Variants in KPNB1 observed in about 807,000 individuals in gnomAD.
KPNB1 encodes the protein importin subunit beta-1.
KPNB1 carries 7 observed loss-of-function variants against 113.0 expected under a neutral mutation model. The ratio of observed to expected loss-of-function variants is 0.06; its 90% CI spans 0.04 to 0.12. KPNB1 has a LOEUF of 0.12. Among genes scored for constraint, KPNB1 ranks in the 10% least tolerant of loss-of-function variants. The pLI, the probability that KPNB1 is intolerant of heterozygous loss-of-function variation, is 1.00. For missense variants in KPNB1, 400 were observed against 1,054.8 expected (o/e 0.38, Z 8.60); for synonymous variants, 363 against 378.6 (o/e 0.96, Z 0.48).
chr17:47,657,981 C>T (rs2029958705), intron 4 of KPNB1, among the ~76,000 whole-genome samples: 1 of 152,164 alleles, frequency 6.6e-6, no homozygotes, highest in South Asian at 2.1e-4. Flanking sequence ...GCTTGGGAAG[C>T]TGAGGTGGGA....
At position 47,683,312 on chromosome 17, in the gene KPNB1, AAG is replaced by A. The variant is rs906105955; in HGVS notation, c.*910_*911del. 1 of 151,804 alleles carries A rather than the reference AAG, an allele frequency of 6.6e-6. No homozygotes were observed. The highest frequency in any genetic ancestry group is 2.4e-5 in the African/African-American group (1 of 41,202). 9.4% of individuals were successfully genotyped at this position (151,804 alleles called of 1,614,324 possible). On this transcript the variant is annotated 3_prime_UTR_variant, in exon 22 of 22. Transcript: ENST00000290158. ...AGAAGTGGGGGGGAGGGGGGAGAAA[AAG>A]AAAACTCTGGCGTTAGAGGATATAG...
intron 15 of KPNB1, among the ~76,000 whole-genome samples, chr17:47,675,389 G>GTT (rs1419981267): frequency 5.1e-5 from 4 of 78,452 alleles, no homozygotes; most frequent in African/African-American, 1.2e-4. Flanking sequence ...TTTTTTGTTT[G>GTT]TTTTTTTTTT....
At chr17:47,672,306 C>CA (rs35344546) in intron 12 of KPNB1, among the ~76,000 whole-genome samples, 11,740 of 150,654 alleles carry the variant, frequency 0.078, 544 homozygotes, top group Middle Eastern at 0.18. Context: ...CTGTGCCCAT[C>CA]AAAAAAAAAA....
chr17:47,674,916 A>C, intron 15 of KPNB1, 134 bp downstream of exon 15: 8 of 852,064 alleles, frequency 9.4e-6, no homozygotes, highest in Non-Finnish European at 1.4e-5. Context: ...TCGTGGGCTC[A>C]CATGATCCTT....
At chr17:47,675,571 T>C (rs2030594035) in intron 15 of KPNB1, among the ~76,000 whole-genome samples, 1 of 151,950 alleles carries the variant, frequency 6.6e-6, no homozygotes, top group Non-Finnish European at 1.5e-5. Context: ...CTGGTACTTG[T>C]CATCACCTGG....
chr17:47,649,962 T>G lies in KPNB1; in HGVS notation c.-283T>G. 1 of 1,322,246 alleles carries G rather than the reference T, an allele frequency of 7.6e-7. No individual in the cohort carries two copies. Among genetic ancestry groups the G allele is most frequent in the Non-Finnish European group, 9.6e-7 (1 of 1,040,394 alleles). The allele number at this position is 1,322,246 out of a possible 1,614,324, so 81.9% of individuals were successfully genotyped here. ...TCTCACTCACAGCCTCCCTTCCTTC[T>G]TTCTCCCTCCGCCTCCCGAGCACCA... On this transcript the variant is annotated 5_prime_UTR_variant, in exon 1 of 22. Transcript: ENST00000290158.
At chr17:47,673,900 G>A (rs962001685) in intron 14 of KPNB1, 15 of 225,680 alleles carry the variant, frequency 6.6e-5, no homozygotes, top group African/African-American at 3.4e-4. Context: ...TGTAGAGAAG[G>A]AAACTACTTA....
At chr17:47,652,360 G>GACT (rs1915605444) in intron 2 of KPNB1, among the ~76,000 whole-genome samples, 1 of 152,264 alleles carries the variant, frequency 6.6e-6, no homozygotes, top group East Asian at 1.9e-4. Context: ...ATAGAAGACT[G>GACT]ACTACTACTA....
At chr17:47,678,212 T>C in intron 18 of KPNB1, 23 bp downstream of exon 18, 1 of 1,613,920 alleles carries the variant, frequency 6.2e-7, no homozygotes, top group Middle Eastern at 1.6e-4. Flanking sequence ...CTATCTTGGC[T>C]GTTCTTTAAG....
chr17:47,664,362 G>A, intron 8 of KPNB1, 93 bp downstream of exon 8: 1 of 818,500 alleles, frequency 1.2e-6, no homozygotes, highest in Non-Finnish European at 2.0e-6. Context: ...TATTCTGTCT[G>A]GGTTTAGAGG....
intron 3 of KPNB1, among the ~76,000 whole-genome samples, chr17:47,653,227 C>T (rs923436379): frequency 8.0e-5 from 12 of 150,132 alleles, no homozygotes; most frequent in Non-Finnish European, 1.0e-4. Flanking sequence ...TTTCCAAGCT[C>T]TCCAGAAATT....
chr17:47,650,316 G>A (rs1327867351), intron 1 of KPNB1, 32 bp downstream of exon 1: 1 of 1,610,984 alleles, frequency 6.2e-7, no homozygotes, highest in African/African-American at 1.3e-5. Context: ...TAGGGCTGAG[G>A]TGATTGGGGT....
chr17:47,672,939 A>G (rs373524354), intron 12 of KPNB1, 79 bp from the exon 13 acceptor site: 3 of 1,402,218 alleles, frequency 2.1e-6, no homozygotes. Flanking sequence ...CTGAGTTCTT[A>G]TTTTTGGCAA....
intron 19 of KPNB1, 87 bp from the exon 20 acceptor site, chr17:47,679,933 G>A: frequency 1.3e-6 from 1 of 779,990 alleles, no homozygotes; most frequent in Non-Finnish European, 2.3e-6. Flanking sequence ...TTCTGACCTT[G>A]TGATCCACCC....
At chr17:47,664,996 T>C (rs1292300874) in intron 8 of KPNB1, 61 bp from the exon 9 acceptor site, 1 of 1,164,030 alleles carries the variant, frequency 8.6e-7, no homozygotes, top group African/African-American at 1.5e-5. Flanking sequence ...GCTCTCATTG[T>C]ATGCCTTTAG....
Position 47,677,004 on chromosome 17 carries a change from C to T in KPNB1, c.1996-16C>T, listed in dbSNP as rs769400360. 1.0e-5 allele frequency: 16 copies of T among 1,603,514 alleles called. 1 individual carries two copies. The South Asian group carries it at 1.5e-4, about 16-fold the overall frequency. ...AGCCTTTTCTGTTAGAAGATTATTT[C>T]CTTGATTCTTGGCAGGTTTGTTTGG... On this transcript the variant is annotated splice_polypyrimidine_tract_variant and intron_variant, in intron 16 of 21. Transcript: ENST00000290158.
At chr17:47,661,096 C>T in intron 5 of KPNB1, 23 bp from the exon 6 acceptor site, 1 of 1,595,412 alleles carries the variant, frequency 6.3e-7, no homozygotes, top group Non-Finnish European at 8.6e-7. Context: ...TCCTAATTCT[C>T]TTTATTTTTA....
intron 19 of KPNB1, 38 bp from the exon 20 acceptor site, chr17:47,679,982 C>T: frequency 7.1e-7 from 1 of 1,399,388 alleles, no homozygotes; most frequent in Non-Finnish European, 1.0e-6. Context: ...CAGGCATGAG[C>T]CACCGCACCC....
Position 47,685,246 on chromosome 17 carries a change from C to T in KPNB1, c.*2842C>T, listed in dbSNP as rs1387487567. 1 of 152,132 alleles carries T rather than the reference C, an allele frequency of 6.6e-6. No individual in the cohort carries two copies. The highest frequency in any genetic ancestry group is 6.5e-5 in the Admixed American group (1 of 15,270). 9.4% of individuals were successfully genotyped at this position (152,132 alleles called of 1,614,324 possible). A position where few individuals can be genotyped will look rare whatever the true frequency, so the allele number is the denominator to read the frequency against. On this transcript the variant is annotated 3_prime_UTR_variant, in exon 22 of 22. Transcript: ENST00000290158. ...CAGTGTAGTGTTTTAACTTTCAGAA[C>T]CAAGCAATCTATTTACTCTTACAAA...
Sources: allele counts gnomAD v4.1 joint callset (sites outside exome capture counted in the v4.1 genomes callset), GRCh38; gene constraint gnomAD v4.1.1; transcripts MANE v1.5; gene names NCBI Gene and HGNC (gene_info 2026-07-23, HGNC 2026-07-21).